AUTS2: variants seen among roughly 807,000 people sequenced by gnomAD.
The protein encoded by AUTS2 is autism susceptibility gene 2 protein.
Under a neutral mutation model 112.4 loss-of-function variants are expected in AUTS2, and 17 were observed. The observed-to-expected ratio is 0.15, with a 90% CI of 0.10 to 0.23. AUTS2 has a LOEUF of 0.23. Among genes scored for constraint, AUTS2 ranks in the 10% least tolerant of loss-of-function variants. The probability of loss-of-function intolerance (pLI) is 1.00; values close to 1 mark genes in which losing one functional copy is unlikely to be tolerated. For missense variants in AUTS2, 1,510 were observed against 1,701.6 expected (o/e 0.89, Z 1.98); for synonymous variants, 751 against 702.7 (o/e 1.07, Z -1.09).
chr7:70,029,112 G>T lies in AUTS2; in HGVS notation c.523-89020G>T, dbSNP rs77308188. On this transcript the variant is annotated intron_variant, in intron 2 of 18. Coordinates refer to ENST00000342771, the MANE Select transcript of AUTS2 (RefSeq NM_015570.4). ...CCCAGCTTGAAAACTTTGAGCATTT[G>T]TTATTTTATCTTTCTGTGCCTCATT... Among the ~76,000 whole-genome samples the T allele has an allele frequency of 2.9e-3, 445 of 152,162 alleles. 5 individuals are homozygous for T. The highest frequency in any genetic ancestry group is 0.01 in the African/African-American group (431 of 41,530).
At position 69,720,172 on chromosome 7, in the gene AUTS2, A is replaced by G. The variant is rs576049836; in HGVS notation, c.309+120210A>G. 2.0e-5 allele frequency among the ~76,000 whole-genome samples: 3 copies of G among 152,330 alleles called. No homozygotes were observed. In the East Asian group the frequency reaches 5.8e-4, roughly 29 times the overall value. Reference sequence around the variant, plus strand: ...GGCTACCTGAACAATTATGTCTGGAATCTCAGCCAGCAGAGAACAGGAGAC... The same window carrying G: ...GGCTACCTGAACAATTATGTCTGGAGTCTCAGCCAGCAGAGAACAGGAGAC... On this transcript the variant is annotated intron_variant, in intron 1 of 18. Transcript: ENST00000342771.
chr7:70,082,668 T>C (rs1020749689), intron 2 of AUTS2, among the ~76,000 whole-genome samples: 5 of 152,212 alleles, frequency 3.3e-5, no homozygotes, highest in Non-Finnish European at 4.4e-5. Flanking sequence ...TCTCCTCGCC[T>C]TTTATGTAGC....
chr7:70,181,032 T>C (rs895739841), intron 4 of AUTS2, among the ~76,000 whole-genome samples: 2 of 152,210 alleles, frequency 1.3e-5, no homozygotes, highest in Non-Finnish European at 2.9e-5. Context: ...AACAAATATA[T>C]AGTATGCTTA....
chr7:69,726,128 A>G (rs1183407218), intron 1 of AUTS2, among the ~76,000 whole-genome samples: 1 of 152,196 alleles, frequency 6.6e-6, no homozygotes, highest in Non-Finnish European at 1.5e-5. Flanking sequence ...CCCATGTAGC[A>G]CACTTACCCA....
intron 6 of AUTS2, among the ~76,000 whole-genome samples, chr7:70,735,821 T>A (rs1262886891): frequency 6.6e-6 from 1 of 152,160 alleles, no homozygotes. Flanking sequence ...GTGACCTAGA[T>A]GAACGGAACT....
chr7:70,436,045 T>C (rs550373291), intron 5 of AUTS2: 81 of 380,868 alleles, frequency 2.1e-4, no homozygotes, highest in Non-Finnish European at 3.1e-4. Flanking sequence ...AGATGACTCA[T>C]AGACTCAAAA....
chr7:70,170,169 T>C (rs1384611432), intron 4 of AUTS2, among the ~76,000 whole-genome samples: 2 of 151,240 alleles, frequency 1.3e-5, no homozygotes, highest in African/African-American at 2.4e-5. Flanking sequence ...ATTTTTTTTT[T>C]TTTTTTTTGA....
intron 4 of AUTS2, among the ~76,000 whole-genome samples, chr7:70,405,233 C>T (rs1794482367): frequency 1.3e-5 from 2 of 152,166 alleles, no homozygotes; most frequent in South Asian, 2.1e-4. Context: ...ATAGTAAACA[C>T]CTCCTCCCTG....
intron 2 of AUTS2, among the ~76,000 whole-genome samples, chr7:69,958,075 T>TATTC (rs1244292222): frequency 6.6e-6 from 1 of 152,180 alleles, no homozygotes; most frequent in African/African-American, 2.4e-5. Context: ...CTCACTCTTT[T>TATTC]ATTCATTCAT....
At chr7:70,082,955 C>A (rs944559675) in intron 2 of AUTS2, among the ~76,000 whole-genome samples, 11 of 152,172 alleles carry the variant, frequency 7.2e-5, no homozygotes, top group African/African-American at 2.7e-4. Context: ...GCTAGGGATT[C>A]ATTAGTAAAC....
At chr7:70,689,096 C>T (rs1808613373) in intron 5 of AUTS2, among the ~76,000 whole-genome samples, 1 of 152,200 alleles carries the variant, frequency 6.6e-6, no homozygotes, top group Admixed American at 6.5e-5. Context: ...GTGGCTCATG[C>T]CCATAATCCC....
intron 2 of AUTS2, among the ~76,000 whole-genome samples, chr7:69,966,109 T>A (rs1797626717): frequency 6.6e-6 from 1 of 152,200 alleles, no homozygotes; most frequent in Non-Finnish European, 1.5e-5. Flanking sequence ...CAGCTTCTTT[T>A]TCCATGAGGA....
intron 4 of AUTS2, among the ~76,000 whole-genome samples, chr7:70,163,746 CG>C (rs1327218680): frequency 6.6e-6 from 1 of 152,098 alleles, no homozygotes; most frequent in Non-Finnish European, 1.5e-5. Flanking sequence ...TTGGCTTCCC[CG>C]TGGGAGGGAT....
In AUTS2 at chr7:70,792,928, C is replaced by T. The variant is rs1162756718; in HGVS notation, c.*1932C>T. ...TCATTACCTTAGGGAAGAAGCCATA[C>T]CTGTACAAGACCGGGCTCTTGAAAA... On this transcript the variant is annotated 3_prime_UTR_variant, in exon 19 of 19. Transcript: ENST00000342771. 6.6e-6 allele frequency: 1 copy of T among 152,572 alleles called. No homozygotes were observed. Among genetic ancestry groups the T allele is most frequent in the Non-Finnish European group, 1.5e-5 (1 of 68,048 alleles). The allele number at this position is 152,572 out of a possible 1,614,324, so 9.5% of individuals were successfully genotyped here. A position where few individuals can be genotyped will look rare whatever the true frequency, so the allele number is the denominator to read the frequency against.
intron 6 of AUTS2, 112 bp downstream of exon 6, chr7:70,698,732 A>T (rs1036504888): frequency 3.5e-6 from 3 of 861,178 alleles, no homozygotes; most frequent in Non-Finnish European, 5.3e-6. Flanking sequence ...TTCTGAAGCT[A>T]CTGTTGATGT....
intron 2 of AUTS2, among the ~76,000 whole-genome samples, chr7:70,010,343 A>G (rs1289106088): frequency 6.6e-6 from 1 of 151,950 alleles, no homozygotes; most frequent in African/African-American, 2.4e-5. Context: ...CTGGGGTCTC[A>G]CTCTTTTGTC....
chr7:69,697,944 G>A (rs901376741), intron 1 of AUTS2, among the ~76,000 whole-genome samples: 14 of 152,146 alleles, frequency 9.2e-5, no homozygotes, highest in African/African-American at 3.4e-4. Flanking sequence ...GCAGTTTATA[G>A]TGGAGCCTTC....
Position 70,704,738 on chromosome 7 carries a change from T to C in AUTS2, c.742+6118T>C, listed in dbSNP as rs529264726. Among the ~76,000 whole-genome samples, 27 of 152,358 alleles carry C rather than the reference T, an allele frequency of 1.8e-4. 1 individual carries two copies. The South Asian group carries it at 5.6e-3, about 32-fold the overall frequency. ...AACCCCAGACAGGAGGGTTCCTAAATGGAGGAAGCCCGTGGCTAGCCCGTG... is the reference window on the plus strand; with the variant it reads ...AACCCCAGACAGGAGGGTTCCTAAACGGAGGAAGCCCGTGGCTAGCCCGTG... On this transcript the variant is annotated intron_variant, in intron 6 of 18. Transcript: ENST00000342771.
intron 10 of AUTS2, 26 bp from the exon 11 acceptor site, chr7:70,771,523 T>G: frequency 1.9e-6 from 3 of 1,576,998 alleles, no homozygotes; most frequent in Non-Finnish European, 2.6e-6. Context: ...AAAATCTTTT[T>G]TCCCCCTCTC....
Sources: gnomAD v4.1 joint callset for allele counts (sites outside exome capture counted in the v4.1 genomes callset) on GRCh38, gnomAD v4.1.1 for gene constraint, MANE v1.5 for transcripts, NCBI Gene and HGNC (gene_info 2026-07-23, HGNC 2026-07-21) for gene names.